Variants in KAZN observed in about 807,000 individuals in gnomAD.
KAZN encodes the protein kazrin.
Under a neutral mutation model 87.4 loss-of-function variants are expected in KAZN, and 40 were observed. The observed-to-expected ratio is 0.46, with a 90% CI of 0.36 to 0.60. KAZN has a LOEUF of 0.60. Among genes scored for constraint, KAZN ranks in the 20% least tolerant of loss-of-function variants. The pLI is 0.00. For synonymous variants in KAZN, 466 were observed against 458.3 expected, an observed-to-expected ratio of 1.02 and a Z score of -0.22; for missense variants, 898 against 1,073.9, an observed-to-expected ratio of 0.84 and a Z score of 2.29.
At chr1:14,287,034 C>A (rs1653307074) in intron 2 of KAZN, among the ~76,000 whole-genome samples, 1 of 152,028 alleles carries the variant, frequency 6.6e-6, no homozygotes, top group Non-Finnish European at 1.5e-5. Flanking sequence ...TTTGTATATG[C>A]TAATATTTTT....
At position 14,658,975 on chromosome 1, in the gene KAZN, A is replaced by G. The variant is rs185602665; in HGVS notation, c.226+59752A>G. On this transcript the variant is annotated intron_variant, in intron 1 of 14. Coordinates refer to ENST00000376030, the MANE Select transcript of KAZN (RefSeq NM_201628.3). Reference sequence around the variant, plus strand: ...CAGGGCTGGGAGCAATGAATGGCTCACGCCTGTAATCTCAGCACTTCAAGA... The same window carrying G: ...CAGGGCTGGGAGCAATGAATGGCTCGCGCCTGTAATCTCAGCACTTCAAGA... Among the ~76,000 whole-genome samples the G allele has an allele frequency of 2.1e-3, 316 of 152,286 alleles. 1 individual carries two copies. The highest frequency in any genetic ancestry group is 0.019 in the Admixed American group (292 of 15,292).
At chr1:13,973,200 A>G (rs1042295983) in intron 1 of KAZN, among the ~76,000 whole-genome samples, 5 of 152,108 alleles carry the variant, frequency 3.3e-5, no homozygotes, top group Non-Finnish European at 1.5e-5. Flanking sequence ...TTCTCCCTTG[A>G]CATGTATCAT....
At chr1:14,824,890 C>G (rs1646839935) in intron 1 of KAZN, among the ~76,000 whole-genome samples, 1 of 152,204 alleles carries the variant, frequency 6.6e-6, no homozygotes, top group Non-Finnish European at 1.5e-5. Flanking sequence ...TTGAAGTGTC[C>G]CTTCTAGGCT....
chr1:14,548,453 C>T (rs920570008), intron 2 of KAZN, among the ~76,000 whole-genome samples: 1 of 152,182 alleles, frequency 6.6e-6, no homozygotes, highest in Non-Finnish European at 1.5e-5. Context: ...CCCACCTCTG[C>T]CTCCAAAAGT....
intron 1 of KAZN, among the ~76,000 whole-genome samples, chr1:14,893,514 G>T (rs1219614275): frequency 6.6e-6 from 1 of 152,110 alleles, no homozygotes; most frequent in Non-Finnish European, 1.5e-5. Flanking sequence ...TGAGTGAGAG[G>T]AAGAGCGCTC....
At position 14,378,049 on chromosome 1, in the gene KAZN, G is replaced by T. The variant is rs141439513; in HGVS notation, c.249+197457G>T. Among the ~76,000 whole-genome samples, 856 of 152,198 alleles carry T rather than the reference G, an allele frequency of 5.6e-3. 12 individuals are homozygous for T. The highest frequency in any genetic ancestry group is 6.9e-3 in the Non-Finnish European group (469 of 68,000). Reference sequence around the variant, plus strand: ...AATTTTTAAATGTATTTTTTTTCATGTATTTGTTTATTAATTTAACAAATG... The same window carrying T: ...AATTTTTAAATGTATTTTTTTTCATTTATTTGTTTATTAATTTAACAAATG... On this transcript the variant is annotated intron_variant, in intron 2 of 16. Transcript: ENST00000636203.
intron 1 of KAZN, among the ~76,000 whole-genome samples, chr1:14,147,771 G>A (rs1188183670): frequency 6.6e-6 from 1 of 151,108 alleles, no homozygotes; most frequent in Non-Finnish European, 1.5e-5. Context: ...ACTCCAGCCT[G>A]GCGACAGAGC....
intron 1 of KAZN, among the ~76,000 whole-genome samples, chr1:14,879,608 T>C (rs576485350): frequency 1.3e-5 from 2 of 152,274 alleles, no homozygotes; most frequent in South Asian, 4.1e-4. Context: ...ACGAATAGAC[T>C]CGTTGGCTCA....
chr1:14,860,706 T>C (rs1650735775), intron 1 of KAZN, among the ~76,000 whole-genome samples: 1 of 152,210 alleles, frequency 6.6e-6, no homozygotes, highest in Admixed American at 6.5e-5. Context: ...ACTGCACACA[T>C]ATACCTACCT....
chr1:14,742,702 G>A (rs1216759173), intron 1 of KAZN, among the ~76,000 whole-genome samples: 1 of 152,216 alleles, frequency 6.6e-6, no homozygotes, highest in Non-Finnish European at 1.5e-5. Flanking sequence ...CTGGCAAGAT[G>A]CAAACACTCT....
At chr1:15,000,170 CAGAG>C (rs112507887) in intron 2 of KAZN, among the ~76,000 whole-genome samples, 3,021 of 149,728 alleles carry the variant, frequency 0.02, 156 homozygotes, top group African/African-American at 0.074. Flanking sequence ...AGGTCAGAGT[CAGAG>C]AGATCTGAAG....
chr1:14,047,996 T>C (rs1157361246), intron 1 of KAZN, among the ~76,000 whole-genome samples: 3 of 152,220 alleles, frequency 2.0e-5, no homozygotes, highest in African/African-American at 7.2e-5. Context: ...TTCTATTTAA[T>C]AGAGATCTGG....
intron 1 of KAZN, among the ~76,000 whole-genome samples, chr1:14,834,111 C>T (rs1647143334): frequency 6.6e-6 from 1 of 151,956 alleles, no homozygotes; most frequent in East Asian, 1.9e-4. Flanking sequence ...TCTCAGCTCA[C>T]CGCAACCTCT....
intron 1 of KAZN, among the ~76,000 whole-genome samples, chr1:14,759,279 C>T (rs10927533): frequency 0.013 from 1,904 of 152,246 alleles, 47 homozygotes; most frequent in African/African-American, 0.043. Flanking sequence ...GTGAGAGCAT[C>T]GCACCGTGGC....
chr1:14,431,812 C>T (rs1186837448), intron 2 of KAZN, among the ~76,000 whole-genome samples: 1 of 152,200 alleles, frequency 6.6e-6, no homozygotes, highest in Non-Finnish European at 1.5e-5. Context: ...TTGCAACAGA[C>T]TGAAGGCTGC....
chr1:14,512,630 C>A (rs535297365), intron 2 of KAZN, among the ~76,000 whole-genome samples: 32 of 152,170 alleles, frequency 2.1e-4, no homozygotes, highest in Non-Finnish European at 4.4e-4. Context: ...CCCAGAAAAG[C>A]TAAGGCCCAT....
chr1:14,998,188 T>A (rs1440610798), intron 2 of KAZN, among the ~76,000 whole-genome samples: 4 of 152,164 alleles, frequency 2.6e-5, no homozygotes, highest in African/African-American at 9.7e-5. Flanking sequence ...CCCCTGCTGT[T>A]ACTTCACTGA....
intron 2 of KAZN, among the ~76,000 whole-genome samples, chr1:14,353,993 T>G (rs1463577876): frequency 1.3e-5 from 2 of 152,180 alleles, no homozygotes; most frequent in African/African-American, 4.8e-5. Flanking sequence ...AAAACAAGGT[T>G]AGAGGACTTT....
At chr1:13,961,831 G>A (rs527500777) in intron 1 of KAZN, among the ~76,000 whole-genome samples, 2 of 152,286 alleles carry the variant, frequency 1.3e-5, no homozygotes, top group South Asian at 2.1e-4. Context: ...CAGCACACTT[G>A]GAAATGCTTC....
Sources: allele counts gnomAD v4.1 joint callset (sites outside exome capture counted in the v4.1 genomes callset), GRCh38; gene constraint gnomAD v4.1.1; transcripts MANE v1.5; gene names NCBI Gene and HGNC (gene_info 2026-07-23, HGNC 2026-07-21).